The following CTNNA3 variants were observed in gnomAD, a reference collection of about 807,000 sequenced individuals.
The protein encoded by CTNNA3 is catenin alpha-3.
Under a neutral mutation model 95.7 loss-of-function variants are expected in CTNNA3, and 76 were observed. The observed-to-expected ratio is 0.79, with a 90% CI of 0.66 to 0.96. The LOEUF is 0.96. CTNNA3 is among the 40% of genes least tolerant of loss of function. The pLI is 0.00. For synonymous variants in CTNNA3, 431 were observed against 374.4 expected (o/e 1.15, Z -1.74); for missense variants, 1,191 against 1,089.8 (o/e 1.09, Z -1.31).
chr10:67,699,939 T>C (rs982584063), upstream of CTNNA3, among the ~76,000 whole-genome samples: 27 of 152,178 alleles, frequency 1.8e-4, no homozygotes, highest in Admixed American at 7.8e-4. Context: ...GCTTTTCCGA[T>C]GGGCTTAAAA....
rs368127634 is a variant in CTNNA3 at position 67,400,385 on chromosome 10, A to G, written c.579+121457T>C. Among the ~76,000 whole-genome samples the G allele has an allele frequency of 1.4e-3, 220 of 152,352 alleles. 4 individuals are homozygous for G. The highest frequency in any genetic ancestry group is 0.014 in the South Asian group (69 of 4,834). On this transcript the variant is annotated intron_variant, in intron 5 of 17. Coordinates refer to ENST00000433211, the MANE Select transcript of CTNNA3 (RefSeq NM_013266.4). ...TTACAGATGTATTATGAAATAAGAA[A>G]TAAGCTTACAAATACATTTATTTTA...
intron 5 of CTNNA3, among the ~76,000 whole-genome samples, chr10:67,381,620 T>C (rs1315658394): frequency 2.0e-5 from 3 of 152,184 alleles, no homozygotes; most frequent in Non-Finnish European, 4.4e-5. Context: ...CCCTCTTTCA[T>C]ATAAAAAATA....
At chr10:66,610,291 C>A (rs1383320949) in intron 10 of CTNNA3, among the ~76,000 whole-genome samples, 1 of 152,016 alleles carries the variant, frequency 6.6e-6, no homozygotes, top group Non-Finnish European at 1.5e-5. Flanking sequence ...GTGACATGAG[C>A]TTACCCTATG....
chr10:67,064,152 A>G (rs188284975), intron 7 of CTNNA3, among the ~76,000 whole-genome samples: 221 of 152,260 alleles, frequency 1.5e-3, no homozygotes, highest in African/African-American at 5.1e-3. Flanking sequence ...TTTCATGAAT[A>G]TGATAACTAC....
chr10:66,106,069 T>A (rs943779070), intron 13 of CTNNA3, among the ~76,000 whole-genome samples: 1 of 151,828 alleles, frequency 6.6e-6, no homozygotes, highest in Non-Finnish European at 1.5e-5. Flanking sequence ...TAGCTGGGCG[T>A]GGTGGCACAT....
At chr10:67,607,951 C>A (rs1283918675) in intron 2 of CTNNA3, among the ~76,000 whole-genome samples, 3 of 152,180 alleles carry the variant, frequency 2.0e-5, no homozygotes, top group African/African-American at 4.8e-5. Context: ...ATATCGGCAG[C>A]ATACAATAAA....
intron 15 of CTNNA3, among the ~76,000 whole-genome samples, chr10:66,022,528 G>A (rs10762024): frequency 0.71 from 108,047 of 151,808 alleles, 38,770 homozygotes; most frequent in East Asian, 0.93. Context: ...CAGGCAAAGG[G>A]GAAAGAGGAA....
chr10:67,581,878 T>C (rs1294122729), intron 3 of CTNNA3, among the ~76,000 whole-genome samples: 1 of 152,186 alleles, frequency 6.6e-6, no homozygotes, highest in African/African-American at 2.4e-5. Flanking sequence ...TGATGGTAGT[T>C]TGTATTTCTG....
chr10:67,681,122 G>A (rs1256354773), intron 1 of CTNNA3, among the ~76,000 whole-genome samples: 2 of 152,206 alleles, frequency 1.3e-5, no homozygotes, highest in African/African-American at 2.4e-5. Flanking sequence ...TTACAGAAGT[G>A]TTAATTCTCC....
At chr10:67,519,435 G>A (rs1464284665) in intron 5 of CTNNA3, among the ~76,000 whole-genome samples, 1 of 152,156 alleles carries the variant, frequency 6.6e-6, no homozygotes, top group South Asian at 2.1e-4. Flanking sequence ...ATAGGGGCAA[G>A]GGAAAATCTC....
At chr10:66,872,108 C>T (rs1844432152) in intron 7 of CTNNA3, among the ~76,000 whole-genome samples, 1 of 152,118 alleles carries the variant, frequency 6.6e-6, no homozygotes, top group Non-Finnish European at 1.5e-5. Context: ...TGTCTATCCA[C>T]CTGGGAACTA....
At chr10:66,353,468 T>C (rs1415166622) in intron 12 of CTNNA3, among the ~76,000 whole-genome samples, 1 of 152,122 alleles carries the variant, frequency 6.6e-6, no homozygotes, top group African/African-American at 2.4e-5. Flanking sequence ...AATAAAATAT[T>C]GTTGTCTTGT....
chr10:66,666,325 G>T lies in CTNNA3; in HGVS notation c.1282-44541C>A, dbSNP rs566042103. Among the ~76,000 whole-genome samples the T allele has an allele frequency of 1.1e-3, 167 of 152,230 alleles. 1 individual carries two copies. The highest frequency in any genetic ancestry group is 3.9e-3 in the African/African-American group (160 of 41,542). Reference sequence around the variant, plus strand: ...GCTAAAATCATCCTGTCCATTCAGGGTTTGACTTTTTTCTACCATGGTCCC... The same window carrying T: ...GCTAAAATCATCCTGTCCATTCAGGTTTTGACTTTTTTCTACCATGGTCCC... On this transcript the variant is annotated intron_variant, in intron 9 of 17. Transcript: ENST00000433211.
intron 7 of CTNNA3, among the ~76,000 whole-genome samples, chr10:66,889,578 T>C (rs895806315): frequency 6.6e-6 from 1 of 152,142 alleles, no homozygotes; most frequent in Non-Finnish European, 1.5e-5. Flanking sequence ...CCGTGGCTCC[T>C]AAGTGGATTG....
intron 13 of CTNNA3, among the ~76,000 whole-genome samples, chr10:66,129,989 G>T (rs935522040): frequency 2.6e-5 from 4 of 152,006 alleles, no homozygotes; most frequent in Admixed American, 6.6e-5. Flanking sequence ...CACCACCATT[G>T]TCCTAGGAGC....
At chr10:66,081,865 C>G (rs1341493340) in intron 14 of CTNNA3, among the ~76,000 whole-genome samples, 1 of 152,108 alleles carries the variant, frequency 6.6e-6, no homozygotes, top group Non-Finnish European at 1.5e-5. Flanking sequence ...GCCTGTAATC[C>G]CAGCACTTTG....
intron 5 of CTNNA3, among the ~76,000 whole-genome samples, chr10:67,473,762 A>G (rs1208189091): frequency 6.6e-6 from 1 of 152,214 alleles, no homozygotes; most frequent in Non-Finnish European, 1.5e-5. Flanking sequence ...TATAACAACT[A>G]TTTACATAGC....
At chr10:67,049,133 C>G (rs1020939747) in intron 7 of CTNNA3, among the ~76,000 whole-genome samples, 2 of 151,316 alleles carry the variant, frequency 1.3e-5, no homozygotes, top group Non-Finnish European at 2.9e-5. Context: ...TTATTCCATG[C>G]AGGATAATGT....
chr10:66,978,065 TATACAC>T (rs368125601), intron 7 of CTNNA3, among the ~76,000 whole-genome samples: 14,885 of 41,576 alleles, frequency 0.36, 958 homozygotes, highest in Middle Eastern at 0.43. Flanking sequence ...TATATATATA[TATACAC>T]ACACACACAC....
Sources: allele counts gnomAD v4.1 joint callset (sites outside exome capture counted in the v4.1 genomes callset), GRCh38; gene constraint gnomAD v4.1.1; transcripts MANE v1.5; gene names NCBI Gene and HGNC (gene_info 2026-07-23, HGNC 2026-07-21).